Variants in AGAP1 observed in about 807,000 individuals in gnomAD.
The protein encoded by AGAP1 is arf-GAP with GTPase, ANK repeat and PH domain-containing protein 1.
A neutral mutation model predicts 105.3 loss-of-function variants in AGAP1; 29 were observed. The observed-to-expected ratio is 0.28, with a 90% confidence interval of 0.21 to 0.38. AGAP1 has a LOEUF of 0.38. AGAP1 is among the 10% of genes least tolerant of loss of function. The pLI, the probability that AGAP1 is intolerant of heterozygous loss-of-function variation, is 1.00. For missense variants in AGAP1, 998 were observed against 1,165.1 expected, an observed-to-expected ratio of 0.86 and a Z score of 2.09; for synonymous variants, 509 against 485.9, an observed-to-expected ratio of 1.05 and a Z score of -0.63.
rs1337686858 is a variant in AGAP1 at position 235,550,044 on chromosome 2, G to A, written c.163+55195G>A. On this transcript the variant is annotated intron_variant, in intron 1 of 17. Coordinates refer to ENST00000304032, the MANE Select transcript of AGAP1 (RefSeq NM_001037131.3). The surrounding 1 kb of genome is among the most constrained non-coding windows in gnomAD (Gnocchi z 4.6). ...GCTGTATAATATGATGGATGTCCTT[G>A]TATTGTACATTTTTAGGAAGGACGG... 6.6e-6 allele frequency among the ~76,000 whole-genome samples: 1 copy of A among 152,174 alleles called. No individual in the cohort carries two copies. Among genetic ancestry groups the A allele is most frequent in the Non-Finnish European group, 1.5e-5 (1 of 68,034 alleles).
At position 235,734,786 on chromosome 2, in the gene AGAP1, G is replaced by A. The variant is rs777528191; in HGVS notation, c.311-6177G>A. ...CACGGAGGCTGCCGGCTTTGTTTCTGTAGGGCTTGTCTTAGCAGAAGTTCA... is the reference window on the plus strand; with the variant it reads ...CACGGAGGCTGCCGGCTTTGTTTCTATAGGGCTTGTCTTAGCAGAAGTTCA... On this transcript the variant is annotated intron_variant, in intron 3 of 17. Coordinates refer to ENST00000304032, the MANE Select transcript of AGAP1 (RefSeq NM_001037131.3). The surrounding 1 kb of genome is among the most constrained non-coding windows in gnomAD (Gnocchi z 5.3). Among the ~76,000 whole-genome samples, 2 of 152,232 alleles carry A rather than the reference G, an allele frequency of 1.3e-5. No homozygotes were observed. Among genetic ancestry groups the A allele is most frequent in the African/African-American group, 4.8e-5 (2 of 41,466 alleles).
rs1162999356 is a variant in AGAP1 at position 235,734,847 on chromosome 2, G to T, written c.311-6116G>T. 6.6e-6 allele frequency among the ~76,000 whole-genome samples: 1 copy of T among 152,252 alleles called. No individual in the cohort carries two copies. Among genetic ancestry groups the T allele is most frequent in the Non-Finnish European group, 1.5e-5 (1 of 68,048 alleles). ...AGGAGGCGTAAGAAGCAGTCAGAAC[G>T]TCTGGATTGGAGTCTTGGTCCTGCC... On this transcript the variant is annotated intron_variant, in intron 3 of 17. Transcript: ENST00000304032. The surrounding 1 kb of genome is among the most constrained non-coding windows in gnomAD (Gnocchi z 5.3).
intron 16 of AGAP1, among the ~76,000 whole-genome samples, chr2:236,108,563 ACAAGTGG>A (rs1199857411): frequency 6.6e-6 from 1 of 152,212 alleles, no homozygotes; most frequent in Non-Finnish European, 1.5e-5. Flanking sequence ...AAAGACTGTG[ACAAGTGG>A]CGGGCACACA....
chr2:235,803,077 TGA>T, intron 8 of AGAP1, among the ~76,000 whole-genome samples: 1 of 142,292 alleles, frequency 7.0e-6, no homozygotes, highest in South Asian at 2.1e-4. Flanking sequence ...GTTGTGATGG[TGA>T]TGATGGTTGT....
In AGAP1 at chr2:235,620,523, G is replaced by C. The variant is rs1285665833; in HGVS notation, c.164-88656G>C. Reference sequence around the variant, plus strand: ...TCCTCTTTTTGGAAAACCTTCCTGGGGGCCCTTGCAGCTTGGCCCTCGCAT... The same window carrying C: ...TCCTCTTTTTGGAAAACCTTCCTGGCGGCCCTTGCAGCTTGGCCCTCGCAT... On this transcript the variant is annotated intron_variant, in intron 1 of 17. Coordinates refer to ENST00000304032, the MANE Select transcript of AGAP1 (RefSeq NM_001037131.3). This position sits in a 1 kb window ranked among gnomAD's most constrained non-coding sequence, Gnocchi z 4.5. Among the ~76,000 whole-genome samples the C allele has an allele frequency of 6.6e-6, 1 of 152,042 alleles. No homozygotes were observed. The highest frequency in any genetic ancestry group is 1.5e-5 in the Non-Finnish European group (1 of 68,014).
rs747430795 is a variant in AGAP1, at chr2:236,040,909, C to G, written c.1891+68C>G. On this transcript the variant is annotated intron_variant, in intron 15 of 17. Transcript: ENST00000304032. This position sits in a 1 kb window ranked among gnomAD's most constrained non-coding sequence, Gnocchi z 5.6. The stretch of plus-strand genomic sequence containing the variant: ...GGAGACCACATGGTCCCACTAGGCC[C>G]GGGTTGCAGGGGACTCACATCTGTC... 2 of 1,527,242 alleles carry G rather than the reference C, an allele frequency of 1.3e-6. No homozygotes were observed. The highest frequency in any genetic ancestry group is 2.3e-5 in the South Asian group (2 of 88,414). 94.6% of individuals were successfully genotyped at this position (1,527,242 alleles called of 1,614,324 possible). A position where few individuals can be genotyped will look rare whatever the true frequency, so the allele number is the denominator to read the frequency against.
chr2:236,063,712 A>G (rs1467311818), intron 16 of AGAP1, among the ~76,000 whole-genome samples: 2 of 152,348 alleles, frequency 1.3e-5, no homozygotes, highest in African/African-American at 4.8e-5. Context: ...AAACTGTCCG[A>G]GGCCAGTGGG....
intron 6 of AGAP1, among the ~76,000 whole-genome samples, chr2:235,756,715 G>C (rs1953956070): frequency 6.6e-6 from 1 of 152,212 alleles, no homozygotes; most frequent in Non-Finnish European, 1.5e-5. Flanking sequence ...TCCGCCTCCT[G>C]TCGGATCAGC....
intron 12 of AGAP1, among the ~76,000 whole-genome samples, chr2:235,966,883 C>T (rs999354212): frequency 3.3e-4 from 50 of 152,064 alleles, no homozygotes; most frequent in African/African-American, 1.2e-3. Context: ...TTCTTGGGAC[C>T]GTATGTATTT....
At chr2:235,807,642 G>A (rs376884139) in intron 9 of AGAP1, among the ~76,000 whole-genome samples, 7 of 152,314 alleles carry the variant, frequency 4.6e-5, no homozygotes, top group Admixed American at 6.5e-5. Context: ...GCGGGCCGCC[G>A]GGCAACAGGG....
In AGAP1 at chr2:236,092,684, GC is replaced by G. The variant is rs1357490906; in HGVS notation, c.2115-27505del. Among the ~76,000 whole-genome samples, 5 of 152,180 alleles carry G rather than the reference GC, an allele frequency of 3.3e-5. No individual in the cohort carries two copies. Among genetic ancestry groups the G allele is most frequent in the African/African-American group, 9.6e-5 (4 of 41,452 alleles). ...TGGGATTACAGGCGTGAGCCACCGC[GC>G]CCGGCCGTATTATTTCTTTAAACTC... On this transcript the variant is annotated intron_variant, in intron 16 of 17. Transcript: ENST00000304032. The surrounding 1 kb of genome is among the most constrained non-coding windows in gnomAD (Gnocchi z 4.7).
chr2:235,795,056 A>G (rs1957179475), intron 6 of AGAP1, among the ~76,000 whole-genome samples: 1 of 152,142 alleles, frequency 6.6e-6, no homozygotes, highest in Non-Finnish European at 1.5e-5. Flanking sequence ...GATTACAGCC[A>G]CAGAAGAGCA....
At chr2:235,794,332 G>A (rs1957141425) in intron 6 of AGAP1, among the ~76,000 whole-genome samples, 1 of 152,212 alleles carries the variant, frequency 6.6e-6, no homozygotes, top group South Asian at 2.1e-4. Context: ...GGTAGTGTCA[G>A]TAGTAAGCGC....
chr2:235,603,340 C>T lies in AGAP1; in HGVS notation c.164-105839C>T, dbSNP rs116708686. On this transcript the variant is annotated intron_variant, in intron 1 of 17. Transcript: ENST00000304032. The stretch of plus-strand genomic sequence containing the variant: ...CTCTTTTTGTTTATAAATTACCCAG[C>T]CTAGGGTATGCCTTTATCAGCAGCA... Among the ~76,000 whole-genome samples, 876 of 152,276 alleles carry T rather than the reference C, an allele frequency of 5.8e-3. 11 individuals carry two copies. The highest frequency in any genetic ancestry group is 0.02 in the African/African-American group (834 of 41,552).
At chr2:236,094,834 T>C (rs941856069) in intron 16 of AGAP1, among the ~76,000 whole-genome samples, 2 of 134,420 alleles carry the variant, frequency 1.5e-5, no homozygotes, top group Non-Finnish European at 3.0e-5. Context: ...CCTGTAATCC[T>C]AAAACTTTCA....
chr2:235,952,791 C>A (rs967111341), intron 12 of AGAP1, among the ~76,000 whole-genome samples: 3 of 152,126 alleles, frequency 2.0e-5, no homozygotes, highest in African/African-American at 7.2e-5. Flanking sequence ...GCCTCACCAT[C>A]CTGGTGGTCC....
intron 1 of AGAP1, among the ~76,000 whole-genome samples, chr2:235,510,750 CTG>C (rs1012666712): frequency 4.6e-5 from 7 of 152,062 alleles, no homozygotes; most frequent in Non-Finnish European, 8.8e-5. Flanking sequence ...CATTTGCCCT[CTG>C]TGTCTCTTGG....
rs1005681582 is a variant in AGAP1, at chr2:235,751,114, C to G, written c.673+626C>G. Among the ~76,000 whole-genome samples the G allele has an allele frequency of 6.6e-6, 1 of 151,936 alleles. No homozygotes were observed. Among genetic ancestry groups the G allele is most frequent in the Non-Finnish European group, 1.5e-5 (1 of 67,978 alleles). The stretch of plus-strand genomic sequence containing the variant: ...AGCATGAGGTTCTGCAAGAGGGTCA[C>G]ATACTTGTGGATGATCATAGCGCCA... On this transcript the variant is annotated intron_variant, in intron 6 of 17. Coordinates refer to ENST00000304032, the MANE Select transcript of AGAP1 (RefSeq NM_001037131.3). This position sits in a 1 kb window ranked among gnomAD's most constrained non-coding sequence, Gnocchi z 5.3.
chr2:235,717,896 T>C (rs1232436484), intron 3 of AGAP1, among the ~76,000 whole-genome samples: 3 of 152,270 alleles, frequency 2.0e-5, no homozygotes, highest in Non-Finnish European at 2.9e-5. Flanking sequence ...CTAATTGTTC[T>C]GTCCTTTCAA....
Sources: allele counts gnomAD v4.1 joint callset (sites outside exome capture counted in the v4.1 genomes callset), GRCh38; gene constraint gnomAD v4.1.1; non-coding constraint Gnocchi (gnomAD v3.1); transcripts MANE v1.5; gene names NCBI Gene and HGNC (gene_info 2026-07-23, HGNC 2026-07-21).